Variants in ANO2 observed in about 807,000 individuals in gnomAD.
ANO2 encodes the protein anoctamin 2.
Under a neutral mutation model 124.2 loss-of-function variants are expected in ANO2, and 101 were observed. The observed-to-expected ratio is 0.81, with a 90% confidence interval of 0.69 to 0.96. The LOEUF (loss-of-function observed/expected upper bound fraction) is 0.96. Ranked by LOEUF, ANO2 falls within the 40% of genes least tolerant of loss-of-function variation. The pLI is 0.00. For missense variants in ANO2, 1,293 were observed against 1,274.5 expected (o/e 1.01, Z -0.22); for synonymous variants, 486 against 482.5 (o/e 1.01, Z -0.09).
At chr12:5,617,880 C>A (rs528507306) in intron 16 of ANO2, among the ~76,000 whole-genome samples, 1 of 152,210 alleles carries the variant, frequency 6.6e-6, no homozygotes, top group African/African-American at 2.4e-5. Flanking sequence ...CCCACACCCA[C>A]GCCCTTTGAA....
At position 5,590,908 on chromosome 12, in the gene ANO2, C is replaced by T. The variant is rs545520846; in HGVS notation, c.2233+8576G>A. ...ATTAACAAGAGAAAAAACTAGCGGCCGAGCGTGGTGGCTCACACCTGTAAT... is the reference window on the plus strand; with the variant it reads ...ATTAACAAGAGAAAAAACTAGCGGCTGAGCGTGGTGGCTCACACCTGTAAT... On this transcript the variant is annotated intron_variant, in intron 20 of 24. Transcript: ENST00000682330. Among the ~76,000 whole-genome samples the T allele has an allele frequency of 8.5e-5, 13 of 152,260 alleles. 1 individual carries two copies. The South Asian group carries it at 1.5e-3, about 17-fold the overall frequency.
chr12:5,729,941 C>T (rs1481290521), intron 14 of ANO2, among the ~76,000 whole-genome samples: 1 of 152,160 alleles, frequency 6.6e-6, no homozygotes, highest in Non-Finnish European at 1.5e-5. Flanking sequence ...CGTGAAAGTC[C>T]AGAATAGGCA....
At chr12:5,604,976 G>A (rs1944145128) in intron 19 of ANO2, among the ~76,000 whole-genome samples, 1 of 151,614 alleles carries the variant, frequency 6.6e-6, no homozygotes, top group Non-Finnish European at 1.5e-5. Context: ...CTTTCCGGAA[G>A]GCTCAGAGCA....
At chr12:5,719,078 T>C (rs1185584526) in intron 14 of ANO2, among the ~76,000 whole-genome samples, 1 of 152,216 alleles carries the variant, frequency 6.6e-6, no homozygotes, top group African/African-American at 2.4e-5. Flanking sequence ...TTGCTGATTG[T>C]CTGACTAGAT....
intron 4 of ANO2, among the ~76,000 whole-genome samples, chr12:5,834,039 A>G (rs1954239764): frequency 6.6e-6 from 1 of 152,062 alleles, no homozygotes; most frequent in Non-Finnish European, 1.5e-5. Flanking sequence ...TGCCCTGCCA[A>G]GCAGCAGGCA....
intron 16 of ANO2, among the ~76,000 whole-genome samples, chr12:5,632,658 T>C (rs1945781764): frequency 6.6e-6 from 1 of 152,128 alleles, no homozygotes; most frequent in Admixed American, 6.5e-5. Flanking sequence ...ATTTTATTTA[T>C]GGCTTCAAAC....
chr12:5,799,476 A>G (rs1208201899), intron 10 of ANO2, 31 bp downstream of exon 10: 8 of 1,584,764 alleles, frequency 5.0e-6, no homozygotes, highest in African/African-American at 1.3e-5. Context: ...CATCTCCAGG[A>G]TACTTCCAAA....
At chr12:5,888,443 C>A (rs913783615) in intron 3 of ANO2, among the ~76,000 whole-genome samples, 1 of 152,182 alleles carries the variant, frequency 6.6e-6, no homozygotes, top group Non-Finnish European at 1.5e-5. Context: ...CTTTTATTCT[C>A]TTATCTGGCC....
chr12:5,658,602 TATC>T lies in ANO2; in HGVS notation c.1546-10804_1546-10802del, dbSNP rs1030763816. Among the ~76,000 whole-genome samples the T allele has an allele frequency of 5.0e-4, 76 of 151,506 alleles. No homozygotes were observed. Among genetic ancestry groups the T allele is most frequent in the African/African-American group, 1.6e-3 (66 of 41,200 alleles). On this transcript the variant is annotated intron_variant, in intron 14 of 24. Coordinates refer to ENST00000682330, the MANE Select transcript of ANO2 (RefSeq NM_001364791.2). This position sits in a 1 kb window ranked among gnomAD's most constrained non-coding sequence, Gnocchi z 4.3. ...TCATCAATATCATCATCATCATCAT[TATC>T]ATCATTAAATCATCATCAACATCAA...
At chr12:5,896,555 A>G (rs1939804746) in intron 3 of ANO2, among the ~76,000 whole-genome samples, 1 of 152,194 alleles carries the variant, frequency 6.6e-6, no homozygotes, top group Non-Finnish European at 1.5e-5. Flanking sequence ...ATGAAGATGA[A>G]AACAGTACCA....
rs548440990 is a variant in ANO2 at position 5,712,353 on chromosome 12, T to C, written c.1545+20167A>G. Reference sequence around the variant, plus strand: ...TCTCAAGATGAGATCATCATGGATTTAGGGTAGGCCCTGAGTCTACTTCCC... The same window carrying C: ...TCTCAAGATGAGATCATCATGGATTCAGGGTAGGCCCTGAGTCTACTTCCC... On this transcript the variant is annotated intron_variant, in intron 14 of 24. Transcript: ENST00000682330. 2.0e-5 allele frequency among the ~76,000 whole-genome samples: 3 copies of C among 152,180 alleles called. No individual in the cohort carries two copies. The East Asian group carries it at 5.8e-4, about 29-fold the overall frequency.
chr12:5,620,197 C>A (rs1214563702), intron 16 of ANO2, among the ~76,000 whole-genome samples: 2 of 152,234 alleles, frequency 1.3e-5, no homozygotes, highest in South Asian at 2.1e-4. Context: ...GAAAGACCTG[C>A]AGTAATTCAG....
intron 14 of ANO2, among the ~76,000 whole-genome samples, chr12:5,684,851 C>A (rs1161613778): frequency 6.6e-6 from 1 of 152,166 alleles, no homozygotes; most frequent in African/African-American, 2.4e-5. Flanking sequence ...TGGTTCACAG[C>A]ACAGGTGCTG....
At chr12:5,881,249 C>G (rs1347500219) in intron 3 of ANO2, among the ~76,000 whole-genome samples, 1 of 152,172 alleles carries the variant, frequency 6.6e-6, no homozygotes, top group African/African-American at 2.4e-5. Flanking sequence ...TTAACACACA[C>G]CATCTAATCT....
At chr12:5,681,803 C>T (rs1948502842) in intron 14 of ANO2, among the ~76,000 whole-genome samples, 1 of 152,082 alleles carries the variant, frequency 6.6e-6, no homozygotes. Flanking sequence ...CCTTGAAGGC[C>T]CTACTTTTCT....
intron 10 of ANO2, among the ~76,000 whole-genome samples, chr12:5,755,332 C>T (rs547287524): frequency 1.5e-4 from 23 of 151,192 alleles, no homozygotes; most frequent in African/African-American, 5.6e-4. Context: ...AAATTCTCTA[C>T]TTGACTTTTG....
chr12:5,702,203 A>G (rs1258385027), intron 14 of ANO2, among the ~76,000 whole-genome samples: 2 of 152,208 alleles, frequency 1.3e-5, no homozygotes, highest in Non-Finnish European at 1.5e-5. Flanking sequence ...AAGACAAAAA[A>G]TCAGCAGGTA....
At chr12:5,916,845 G>A (rs914055754) in intron 3 of ANO2, among the ~76,000 whole-genome samples, 1 of 152,150 alleles carries the variant, frequency 6.6e-6, no homozygotes, top group African/African-American at 2.4e-5. Context: ...AAGTTATTGT[G>A]CAGATCAGTG....
intron 3 of ANO2, among the ~76,000 whole-genome samples, chr12:5,863,444 C>T (rs1343710304): frequency 2.6e-5 from 4 of 152,216 alleles, no homozygotes; most frequent in Non-Finnish European, 5.9e-5. Context: ...GCCTTGGGCC[C>T]CAGCTCTGTC....
Sources: gnomAD v4.1 joint callset for allele counts (sites outside exome capture counted in the v4.1 genomes callset) on GRCh38, gnomAD v4.1.1 for gene constraint, Gnocchi (gnomAD v3.1) non-coding constraint, MANE v1.5 for transcripts, NCBI Gene and HGNC (gene_info 2026-07-23, HGNC 2026-07-21) for gene names.